Variants in FAM237B observed in about 807,000 individuals in gnomAD.
The protein encoded by FAM237B is family with sequence similarity 237 member B, also known as protein FAM237B.
Position 90,319,662 on chromosome 7 carries a change from T to A in FAM237B, c.87A>T (p.Gln29His). The A allele has an allele frequency of 2.5e-6, 1 of 398,596 alleles. No homozygotes were observed. Among genetic ancestry groups the A allele is most frequent in the Non-Finnish European group, 4.4e-6 (1 of 226,052 alleles). 24.7% of individuals were successfully genotyped at this position (398,596 alleles called of 1,614,324 possible). ...GGCTGATGCTGGCAAGCACTCCTTT[T>A]TGAAACTCAAAGTCAGCATTAACCA... Reference protein sequence around the residue: ...INLVNADFEFQKGVLASISPG... With the variant: ...INLVNADFEFHKGVLASISPG... Residue 29 changes from glutamine to histidine, a missense_variant, in exon 3 of 3, where the codon CAA becomes CAT. Gln to His is a conservative substitution (Grantham distance 24). Transcript: ENST00000692316.
chr7:90,320,050 C>A (rs1411244224), intron 2 of FAM237B, among the ~76,000 whole-genome samples: 1 of 152,176 alleles, frequency 6.6e-6, no homozygotes, highest in African/African-American at 2.4e-5. Context: ...GCTTATGCTC[C>A]AACCTTCTCC....
chr7:90,317,727 G>C lies in FAM237B; in HGVS notation c.*1602C>G, dbSNP rs142000645. 6.6e-6 allele frequency: 1 copy of C among 152,168 alleles called. No homozygotes were observed. Among genetic ancestry groups the C allele is most frequent in the South Asian group, 2.1e-4 (1 of 4,822 alleles). 9.4% of individuals were successfully genotyped at this position (152,168 alleles called of 1,614,324 possible). A position where few individuals can be genotyped will look rare whatever the true frequency, so the allele number is the denominator to read the frequency against. On this transcript the variant is annotated 3_prime_UTR_variant, in exon 3 of 3. Coordinates refer to ENST00000692316, the MANE Select transcript of FAM237B (RefSeq NM_001384237.2). ...GAAAGTGGTCAATAATGCAAAGAAC[G>C]TCCCTCCTTTAATTCAGCTTATTCT... is the stretch of plus-strand genomic sequence containing the variant.
At chr7:90,320,093 C>T (rs770019088) in intron 2 of FAM237B, among the ~76,000 whole-genome samples, 3 of 152,172 alleles carry the variant, frequency 2.0e-5, no homozygotes, top group African/African-American at 4.8e-5. Flanking sequence ...GATACGGTTC[C>T]GCAAGTCTTC....
Position 90,319,213 on chromosome 7 carries a change from A to G in FAM237B, c.*116T>C, listed in dbSNP as rs1047806681. On this transcript the variant is annotated 3_prime_UTR_variant, in exon 3 of 3. Coordinates refer to ENST00000692316, the MANE Select transcript of FAM237B (RefSeq NM_001384237.2). ...ATAATGTAAAATGAGTAAAAATGAG[A>G]ATCAAAACCTATCATTTTAGGGAAA... 9 of 396,440 alleles carry G rather than the reference A, an allele frequency of 2.3e-5. No individual in the cohort carries two copies. Among genetic ancestry groups the G allele is most frequent in the Non-Finnish European group, 4.0e-5 (9 of 225,282 alleles). The allele number at this position is 396,440 out of a possible 1,614,324, so 24.6% of individuals were successfully genotyped here.
In FAM237B at chr7:90,317,425, C is replaced by T. The variant is rs867802053; in HGVS notation, c.*1904G>A. 5.9e-5 allele frequency: 9 copies of T among 152,042 alleles called. No individual in the cohort carries two copies. The highest frequency in any genetic ancestry group is 2.1e-4 in the South Asian group (1 of 4,814). 9.4% of individuals were successfully genotyped at this position (152,042 alleles called of 1,614,324 possible). ...TGAGAACATTAATTAGCCCTACCCT[C>T]CAACCAGTTGATTTTCTGAGCTTAG... is the stretch of plus-strand genomic sequence containing the variant. On this transcript the variant is annotated 3_prime_UTR_variant, in exon 3 of 3. Transcript: ENST00000692316.
rs979940046 is a variant in FAM237B at position 90,319,616 on chromosome 7, C to G, written c.133G>C (p.Asp45His). Residue 45 changes from aspartate to histidine, a missense_variant, in exon 3 of 3, where the codon GAT becomes CAT. By Grantham distance (81) the Asp-to-His change is moderately conservative. Coordinates refer to ENST00000692316, the MANE Select transcript of FAM237B (RefSeq NM_001384237.2). The part of the protein sequence containing the change: ...SISPGITKDI[D>H]LQCWKACSLT... Reference sequence around the variant, plus strand: ...GAGCAAGCTTTCCAGCACTGGAGATCAATGTCTTTGGTGATTCCTGGGCTG... The same window carrying G: ...GAGCAAGCTTTCCAGCACTGGAGATGAATGTCTTTGGTGATTCCTGGGCTG... 15 of 398,564 alleles carry G rather than the reference C, an allele frequency of 3.8e-5. No homozygotes were observed. The highest frequency in any genetic ancestry group is 2.9e-4 in the African/African-American group (14 of 48,752). 24.7% of individuals were successfully genotyped at this position (398,564 alleles called of 1,614,324 possible).
Position 90,319,222 on chromosome 7 carries a change from C to T in FAM237B, c.*107G>A. The T allele has an allele frequency of 2.6e-6, 1 of 389,750 alleles. No individual in the cohort carries two copies. Among genetic ancestry groups the T allele is most frequent in the Non-Finnish European group, 4.5e-6 (1 of 220,970 alleles). 24.1% of individuals were successfully genotyped at this position (389,750 alleles called of 1,614,324 possible). Reference sequence around the variant, plus strand: ...AATGAGTAAAAATGAGAATCAAAACCTATCATTTTAGGGAAAAAAACTAAA... The same window carrying T: ...AATGAGTAAAAATGAGAATCAAAACTTATCATTTTAGGGAAAAAAACTAAA... On this transcript the variant is annotated 3_prime_UTR_variant, in exon 3 of 3. Coordinates refer to ENST00000692316, the MANE Select transcript of FAM237B (RefSeq NM_001384237.2).
intron 2 of FAM237B, among the ~76,000 whole-genome samples, chr7:90,320,162 A>G (rs1041884330): frequency 2.0e-5 from 3 of 152,218 alleles, no homozygotes; most frequent in Non-Finnish European, 4.4e-5. Flanking sequence ...AACTAAGTGG[A>G]TCAAAATACA....
rs1425117613 is a variant in FAM237B, at chr7:90,317,433, T to C, written c.*1896A>G. 6.6e-6 allele frequency: 1 copy of C among 151,502 alleles called. No homozygotes were observed. Among genetic ancestry groups the C allele is most frequent in the Non-Finnish European group, 1.5e-5 (1 of 67,684 alleles). 9.4% of individuals were successfully genotyped at this position (151,502 alleles called of 1,614,324 possible). On this transcript the variant is annotated 3_prime_UTR_variant, in exon 3 of 3. Transcript: ENST00000692316. Reference sequence around the variant, plus strand: ...TTAATTAGCCCTACCCTCCAACCAGTTGATTTTCTGAGCTTAGGGATCCAC... The same window carrying C: ...TTAATTAGCCCTACCCTCCAACCAGCTGATTTTCTGAGCTTAGGGATCCAC...
rs1434671851 is a variant in FAM237B, at chr7:90,318,282, T to C, written c.*1047A>G. On this transcript the variant is annotated 3_prime_UTR_variant, in exon 3 of 3. Coordinates refer to ENST00000692316, the MANE Select transcript of FAM237B (RefSeq NM_001384237.2). The stretch of plus-strand genomic sequence containing the variant: ...TAAGATGTGAGATATAAATAGGCAA[T>C]ATAAAAAATAACTCAGCTAACACAA... 1 of 152,184 alleles carries C rather than the reference T, an allele frequency of 6.6e-6. No homozygotes were observed. Among genetic ancestry groups the C allele is most frequent in the African/African-American group, 2.4e-5 (1 of 41,464 alleles). The allele number at this position is 152,184 out of a possible 1,614,324, so 9.4% of individuals were successfully genotyped here.
At chr7:90,319,843 G>C (rs28947512) in intron 2 of FAM237B, 92 bp from the exon 3 acceptor site, 1 of 397,348 alleles carries the variant, frequency 2.5e-6, no homozygotes, top group East Asian at 3.6e-5. Context: ...ACATATATTT[G>C]CTTTTGATCA....
In FAM237B at chr7:90,317,145, A is replaced by G. The variant is rs1328509219; in HGVS notation, c.*2184T>C. 1 of 152,124 alleles carries G rather than the reference A, an allele frequency of 6.6e-6. No homozygotes were observed. The highest frequency in any genetic ancestry group is 1.5e-5 in the Non-Finnish European group (1 of 67,982). The allele number at this position is 152,124 out of a possible 1,614,324, so 9.4% of individuals were successfully genotyped here. The stretch of plus-strand genomic sequence containing the variant: ...TAATGATAAAGAACACAGATGTTCA[A>G]TATGGAGATGAGAAAGGACAGGAAA... On this transcript the variant is annotated 3_prime_UTR_variant, in exon 3 of 3. Transcript: ENST00000692316.
rs1794893980 is a variant in FAM237B, at chr7:90,317,331, A to C, written c.*1998T>G. On this transcript the variant is annotated 3_prime_UTR_variant, in exon 3 of 3. Coordinates refer to ENST00000692316, the MANE Select transcript of FAM237B (RefSeq NM_001384237.2). The stretch of plus-strand genomic sequence containing the variant: ...ATATCAGACTAATTATTTGTCATAT[A>C]AATTCCACAAATCAAAAGCTTAATG... 6.6e-6 allele frequency: 1 copy of C among 152,166 alleles called. No individual in the cohort carries two copies. The highest frequency in any genetic ancestry group is 1.5e-5 in the Non-Finnish European group (1 of 68,000). The allele number at this position is 152,166 out of a possible 1,614,324, so 9.4% of individuals were successfully genotyped here.
chr7:90,317,164 C>T lies in FAM237B; in HGVS notation c.*2165G>A, dbSNP rs1386699553. On this transcript the variant is annotated 3_prime_UTR_variant, in exon 3 of 3. Coordinates refer to ENST00000692316, the MANE Select transcript of FAM237B (RefSeq NM_001384237.2). ...TGTTCAATATGGAGATGAGAAAGGA[C>T]AGGAAAGTTCTTGGCAAGATTAACT... The T allele has an allele frequency of 6.6e-6, 1 of 151,534 alleles. No individual in the cohort carries two copies. The highest frequency in any genetic ancestry group is 1.5e-5 in the Non-Finnish European group (1 of 67,928). The allele number at this position is 151,534 out of a possible 1,614,324, so 9.4% of individuals were successfully genotyped here.
At position 90,319,410 on chromosome 7, in the gene FAM237B, G is replaced by A; in HGVS notation, c.339C>T (p.Gly113=). ...DCLLSRSHGM[G]RRQVMPPKYN... ...ATTTGGGGGGCATCACCTGTCTTCTGCCCATTCCATGAGATCTTGAAAGCA... is the reference window on the plus strand; with the variant it reads ...ATTTGGGGGGCATCACCTGTCTTCTACCCATTCCATGAGATCTTGAAAGCA... Residue 113 remains glycine, a synonymous_variant, in exon 3 of 3, where the codon GGC becomes GGT. Coordinates refer to ENST00000692316, the MANE Select transcript of FAM237B (RefSeq NM_001384237.2). 1 of 398,558 alleles carries A rather than the reference G, an allele frequency of 2.5e-6. No homozygotes were observed. The highest frequency in any genetic ancestry group is 4.4e-6 in the Non-Finnish European group (1 of 226,040). 24.7% of individuals were successfully genotyped at this position (398,558 alleles called of 1,614,324 possible). A position where few individuals can be genotyped will look rare whatever the true frequency, so the allele number is the denominator to read the frequency against.
chr7:90,318,994 A>C lies in FAM237B; in HGVS notation c.*335T>G, dbSNP rs562485913. ...GCTTTTATACAACCCTATTGAAAAA[A>C]TTAATTTCAAAAGCCTAAATACATG... On this transcript the variant is annotated 3_prime_UTR_variant, in exon 3 of 3. Coordinates refer to ENST00000692316, the MANE Select transcript of FAM237B (RefSeq NM_001384237.2). 1 of 167,034 alleles carries C rather than the reference A, an allele frequency of 6.0e-6. No homozygotes were observed. The highest frequency in any genetic ancestry group is 2.4e-5 in the African/African-American group (1 of 42,274). The allele number at this position is 167,034 out of a possible 1,614,324, so 10.3% of individuals were successfully genotyped here. A position where few individuals can be genotyped will look rare whatever the true frequency, so the allele number is the denominator to read the frequency against.
rs1211482588 is a variant in FAM237B, at chr7:90,321,009, G to C, written c.-138C>G. 3.3e-5 allele frequency: 5 copies of C among 152,228 alleles called. No individual in the cohort carries two copies. Among genetic ancestry groups the C allele is most frequent in the African/African-American group, 4.8e-5 (2 of 41,444 alleles). 9.4% of individuals were successfully genotyped at this position (152,228 alleles called of 1,614,324 possible). A position where few individuals can be genotyped will look rare whatever the true frequency, so the allele number is the denominator to read the frequency against. ...CGTCCCGGCGCGGTGTCCTGGGTGC[G>C]CTACGCTCGTTGGGAGGAGGACGGG... On this transcript the variant is annotated 5_prime_UTR_variant, in exon 1 of 3. Coordinates refer to ENST00000692316, the MANE Select transcript of FAM237B (RefSeq NM_001384237.2).
At position 90,318,277 on chromosome 7, in the gene FAM237B, G is replaced by T. The variant is rs984278737; in HGVS notation, c.*1052C>A. On this transcript the variant is annotated 3_prime_UTR_variant, in exon 3 of 3. Coordinates refer to ENST00000692316, the MANE Select transcript of FAM237B (RefSeq NM_001384237.2). ...TGAAATAAGATGTGAGATATAAATA[G>T]GCAATATAAAAAATAACTCAGCTAA... is the stretch of plus-strand genomic sequence containing the variant. 2.0e-5 allele frequency: 3 copies of T among 151,994 alleles called. No individual in the cohort carries two copies. Among genetic ancestry groups the T allele is most frequent in the African/African-American group, 4.8e-5 (2 of 41,376 alleles). The allele number at this position is 151,994 out of a possible 1,614,324, so 9.4% of individuals were successfully genotyped here.
Position 90,317,477 on chromosome 7 carries a change from G to A in FAM237B, c.*1852C>T, listed in dbSNP as rs1451454330. On this transcript the variant is annotated 3_prime_UTR_variant, in exon 3 of 3. Coordinates refer to ENST00000692316, the MANE Select transcript of FAM237B (RefSeq NM_001384237.2). ...GATCCACCCTTAATTGGCAAGATAA[G>A]AAGTTTTCAATCTAGGAAATTATTA... 7.1e-6 allele frequency: 1 copy of A among 141,040 alleles called. No homozygotes were observed. Among genetic ancestry groups the A allele is most frequent in the Non-Finnish European group, 1.6e-5 (1 of 60,854 alleles). The allele number at this position is 141,040 out of a possible 1,614,324, so 8.7% of individuals were successfully genotyped here.
Sources: gnomAD v4.1 joint callset for allele counts (sites outside exome capture counted in the v4.1 genomes callset) on GRCh38, gnomAD v4.1.1 for gene constraint, MANE v1.5 for transcripts, NCBI Gene and HGNC (gene_info 2026-07-23, HGNC 2026-07-21) for gene names.